Variants in PLEKHG3 observed in about 807,000 individuals in gnomAD.
PLEKHG3 encodes the protein pleckstrin homology domain-containing family G member 3.
In PLEKHG3, 62 loss-of-function variants were observed where a neutral mutation model predicts 94.9. That is an observed-to-expected ratio of 0.65 (90% confidence interval 0.53 to 0.81). The LOEUF (loss-of-function observed/expected upper bound fraction) is 0.81, where lower values mean the gene tolerates loss of function less well. Among genes scored for constraint, PLEKHG3 ranks in the 30% least tolerant of loss-of-function variants. The probability of loss-of-function intolerance (pLI) is 0.00; values close to 1 mark genes in which losing one functional copy is unlikely to be tolerated. For synonymous variants in PLEKHG3, 614 were observed against 654.0 expected, an observed-to-expected ratio of 0.94 and a Z score of 0.93; for missense variants, 1,461 against 1,619.3, an observed-to-expected ratio of 0.90 and a Z score of 1.68.
rs142526418 is a variant in PLEKHG3 at position 64,721,674 on chromosome 14, C to A, written c.-39-5919C>A. On this transcript the variant is annotated intron_variant, in intron 1 of 16. Coordinates refer to ENST00000247226, the MANE Select transcript of PLEKHG3 (RefSeq NM_001308147.2). This position sits in a 1 kb window ranked among gnomAD's most constrained non-coding sequence, Gnocchi z 4.3. ...TCACTCCCCGGGGAGCCTTCTCTCG[C>A]GCTTTATTACGGTGCTCAGGGCTGC... Among the ~76,000 whole-genome samples, 1 of 152,102 alleles carries A rather than the reference C, an allele frequency of 6.6e-6. No individual in the cohort carries two copies. Among genetic ancestry groups the A allele is most frequent in the Non-Finnish European group, 1.5e-5 (1 of 68,014 alleles).
rs1241973616 is a variant in PLEKHG3 at position 64,718,733 on chromosome 14, G to A, written c.-39-8860G>A. 2.6e-5 allele frequency among the ~76,000 whole-genome samples: 4 copies of A among 152,074 alleles called. No homozygotes were observed. In the East Asian group the frequency reaches 5.8e-4, roughly 22 times the overall value. ...GCTTTTCCTTTTTTTGATATTCCTC[G>A]TGACTTAGGAATGGGTCCGCACTAG... is the stretch of plus-strand genomic sequence containing the variant. On this transcript the variant is annotated intron_variant, in intron 1 of 16. Coordinates refer to ENST00000247226, the MANE Select transcript of PLEKHG3 (RefSeq NM_001308147.2). This position sits in a 1 kb window ranked among gnomAD's most constrained non-coding sequence, Gnocchi z 5.0.
In PLEKHG3 at chr14:64,744,770, G is replaced by GTTTTTTTTTTTTTTTTTT. The variant is rs1166322524; in HGVS notation, c.*1067_*1068insTTTTTTTTTTTTTTTTTT. On this transcript the variant is annotated 3_prime_UTR_variant, in exon 17 of 17. Transcript: ENST00000247226. ...CCCAGGAAACATCCTAGAAGACAAG[G>GTTTTTTTTTTTTTTTTTT]ATTTTTTTTTTTTTTTTTTTTGAGA... is the stretch of plus-strand genomic sequence containing the variant. The GTTTTTTTTTTTTTTTTTT allele has an allele frequency of 4.6e-5, 6 of 130,684 alleles. No individual in the cohort carries two copies. Among genetic ancestry groups the GTTTTTTTTTTTTTTTTTT allele is most frequent in the African/African-American group, 1.6e-4 (5 of 30,400 alleles). 8.1% of individuals were successfully genotyped at this position (130,684 alleles called of 1,614,324 possible).
chr14:64,742,906 G>T lies in PLEKHG3; in HGVS notation c.2939-76G>T, dbSNP rs566219038. ...ACCAGCCTTGCCTGGAAAGTGAGTTGGGGCCTGCTCAGAGCACCCCCTTGC... is the reference window on the plus strand; with the variant it reads ...ACCAGCCTTGCCTGGAAAGTGAGTTTGGGCCTGCTCAGAGCACCCCCTTGC... On this transcript the variant is annotated intron_variant, in intron 16 of 16. Coordinates refer to ENST00000247226, the MANE Select transcript of PLEKHG3 (RefSeq NM_001308147.2). 8.3e-6 allele frequency: 12 copies of T among 1,451,288 alleles called. No individual in the cohort carries two copies. In the African/African-American group the frequency reaches 1.5e-4, roughly 19 times the overall value. 89.9% of individuals were successfully genotyped at this position (1,451,288 alleles called of 1,614,324 possible). A position where few individuals can be genotyped will look rare whatever the true frequency, so the allele number is the denominator to read the frequency against.
At chr14:64,737,790 C>CG (rs919725976) in intron 14 of PLEKHG3, 1 of 807,198 alleles carries the variant, frequency 1.2e-6, no homozygotes. Flanking sequence ...GGCTCCCCCC[C>CG]CGCAGCTGCC....
chr14:64,733,840 G>T (rs1334011693), intron 12 of PLEKHG3, among the ~76,000 whole-genome samples: 1 of 152,184 alleles, frequency 6.6e-6, no homozygotes, highest in Non-Finnish European at 1.5e-5. Context: ...TGATGGGTGT[G>T]TGTGTTTTCA....
rs929269350 is a variant in PLEKHG3 at position 64,728,849 on chromosome 14, G to A, written c.352-147G>A. The A allele has an allele frequency of 2.0e-6, 1 of 511,810 alleles. No homozygotes were observed. The highest frequency in any genetic ancestry group is 3.5e-6 in the Non-Finnish European group (1 of 286,436). The allele number at this position is 511,810 out of a possible 1,614,324, so 31.7% of individuals were successfully genotyped here. ...AAAGTCACATTCTGGGGTTCCAAGT[G>A]GACATGAATTTTGGGGTGGACACTG... On this transcript the variant is annotated intron_variant, in intron 2 of 16. Transcript: ENST00000247226. The surrounding 1 kb of genome is among the most constrained non-coding windows in gnomAD (Gnocchi z 5.9).
At position 64,732,290 on chromosome 14, in the gene PLEKHG3, T is replaced by G; in HGVS notation, c.1212+109T>G. 1 of 1,234,848 alleles carries G rather than the reference T, an allele frequency of 8.1e-7. No homozygotes were observed. Among genetic ancestry groups the G allele is most frequent in the South Asian group, 1.2e-5 (1 of 82,102 alleles). The allele number at this position is 1,234,848 out of a possible 1,614,324, so 76.5% of individuals were successfully genotyped here. On this transcript the variant is annotated intron_variant, in intron 10 of 16. Coordinates refer to ENST00000247226, the MANE Select transcript of PLEKHG3 (RefSeq NM_001308147.2). This position sits in a 1 kb window ranked among gnomAD's most constrained non-coding sequence, Gnocchi z 4.9. ...TCTGGATTTGGGCTCCAGTGGACAG[T>G]GAGTGTCAGTACAGCAGATGCCCCG...
At chr14:64,742,860 A>G in intron 16 of PLEKHG3, 122 bp from the exon 17 acceptor site, 2 of 874,804 alleles carry the variant, frequency 2.3e-6, no homozygotes, top group Non-Finnish European at 3.7e-6. Flanking sequence ...GATTTCTCCC[A>G]TCACACCCAA....
chr14:64,731,807 G>T lies in PLEKHG3; in HGVS notation c.1125+1G>T. 1 of 1,607,822 alleles carries T rather than the reference G, an allele frequency of 6.2e-7. No homozygotes were observed. The highest frequency in any genetic ancestry group is 8.5e-7 in the Non-Finnish European group (1 of 1,174,592). On this transcript the variant is annotated splice_donor_variant, in intron 9 of 16. Coordinates refer to ENST00000247226, the MANE Select transcript of PLEKHG3 (RefSeq NM_001308147.2). LOFTEE classifies it high-confidence loss of function. This position sits in a 1 kb window ranked among gnomAD's most constrained non-coding sequence, Gnocchi z 6.1. ...CAGCAAGCAGCAGTACAGCATCCAGGTGAGGGGAAGGTGGGGCTCAGGGGC... is the reference window on the plus strand; with the variant it reads ...CAGCAAGCAGCAGTACAGCATCCAGTTGAGGGGAAGGTGGGGCTCAGGGGC...
chr14:64,734,093 G>A (rs922126971), intron 12 of PLEKHG3, among the ~76,000 whole-genome samples: 2 of 152,184 alleles, frequency 1.3e-5, no homozygotes, highest in African/African-American at 4.8e-5. Flanking sequence ...ACATGTGGGT[G>A]TTAGCCTTCG....
Position 64,741,045 on chromosome 14 carries a change from G to A in PLEKHG3, c.1528G>A (p.Asp510Asn), listed in dbSNP as rs771837561. 1.1e-5 allele frequency: 17 copies of A among 1,585,028 alleles called. No homozygotes were observed. The highest frequency in any genetic ancestry group is 1.5e-5 in the Non-Finnish European group (17 of 1,163,220). The change falls in exon 16 of 17, where the codon GAC (aspartate) becomes AAC (asparagine). Residue 510 changes from aspartate (D) to asparagine (N), a missense_variant. By Grantham distance (23) the Asp-to-Asn change is conservative. This residue lies in a region of PLEKHG3 where 1,201 missense variants were observed against 1,295.5 expected (regional missense o/e 0.93). Transcript: ENST00000247226. ...TTCTGCTATGTTTCAGGTTGAGCCG[G>A]ACCCTGAGGCTGGGAGTGAGCAAGA... Reference protein sequence around the residue: ...SISSLPEVEPDPEAGSEQEVF... With the variant: ...SISSLPEVEPNPEAGSEQEVF...
Position 64,717,865 on chromosome 14 carries a change from G to T in PLEKHG3, c.-39-9728G>T, listed in dbSNP as rs145872882. On this transcript the variant is annotated intron_variant, in intron 1 of 16. Transcript: ENST00000247226. The surrounding 1 kb of genome is among the most constrained non-coding windows in gnomAD (Gnocchi z 4.7). Reference sequence around the variant, plus strand: ...TTTTTAGGGCACATTCTGACACCTCGTCTCATGGAGCCCCATTTCCACGTG... The same window carrying T: ...TTTTTAGGGCACATTCTGACACCTCTTCTCATGGAGCCCCATTTCCACGTG... 3.9e-4 allele frequency among the ~76,000 whole-genome samples: 59 copies of T among 152,328 alleles called. No individual in the cohort carries two copies. The East Asian group carries it at 7.3e-3, about 19-fold the overall frequency.
At position 64,742,938 on chromosome 14, in the gene PLEKHG3, G is replaced by T. The variant is rs201378608; in HGVS notation, c.2939-44G>T. ...GCTCAGAGCACCCCCTTGCAGCTCT[G>T]CCCTCCCGCCCCATGCTTCAGGCAG... On this transcript the variant is annotated intron_variant, in intron 16 of 16. Coordinates refer to ENST00000247226, the MANE Select transcript of PLEKHG3 (RefSeq NM_001308147.2). 1.7e-5 allele frequency: 27 copies of T among 1,608,938 alleles called. No individual in the cohort carries two copies. The African/African-American group carries it at 2.8e-4, about 17-fold the overall frequency.
rs1454637886 is a variant in PLEKHG3 at position 64,737,452 on chromosome 14, C to T, written c.1404+77C>T. 5.1e-6 allele frequency: 5 copies of T among 974,568 alleles called. No homozygotes were observed. In the Admixed American group the frequency reaches 8.4e-5, roughly 16 times the overall value. The allele number at this position is 974,568 out of a possible 1,614,324, so 60.4% of individuals were successfully genotyped here. A position where few individuals can be genotyped will look rare whatever the true frequency, so the allele number is the denominator to read the frequency against. On this transcript the variant is annotated intron_variant, in intron 14 of 16. Coordinates refer to ENST00000247226, the MANE Select transcript of PLEKHG3 (RefSeq NM_001308147.2). ...CCAGGTCAGCCCCCGGCCCCTTCAG[C>T]CCTCATTGTCTTCATTCATTCAACA... is the stretch of plus-strand genomic sequence containing the variant.
Position 64,731,657 on chromosome 14 carries a change from C to T in PLEKHG3, c.1033-57C>T. 1.3e-6 allele frequency: 2 copies of T among 1,516,062 alleles called. No individual in the cohort carries two copies. The highest frequency in any genetic ancestry group is 1.4e-5 in the African/African-American group (1 of 72,970). The allele number at this position is 1,516,062 out of a possible 1,614,324, so 93.9% of individuals were successfully genotyped here. The stretch of plus-strand genomic sequence containing the variant: ...AGCACCACCCTTCTGAGATCACCCT[C>T]CCTGCTTCCCCAGGCTGTCAACCTT... On this transcript the variant is annotated intron_variant, in intron 8 of 16. Coordinates refer to ENST00000247226, the MANE Select transcript of PLEKHG3 (RefSeq NM_001308147.2). The surrounding 1 kb of genome is among the most constrained non-coding windows in gnomAD (Gnocchi z 6.1).
chr14:64,737,302 C>A, intron 13 of PLEKHG3, 54 bp from the exon 14 acceptor site: 1 of 1,441,118 alleles, frequency 6.9e-7, no homozygotes, highest in Non-Finnish European at 9.7e-7. Context: ...CTCTTCCCCT[C>A]CCCTCCCCTG....
intron 1 of PLEKHG3, among the ~76,000 whole-genome samples, chr14:64,711,663 T>C (rs971042801): frequency 5.3e-5 from 8 of 152,184 alleles, no homozygotes; most frequent in Admixed American, 3.9e-4. Flanking sequence ...GCGCCTGCCT[T>C]GGCCTCCCAA....
rs528617237 is a variant in PLEKHG3 at position 64,732,502 on chromosome 14, A to G, written c.1246+42A>G. The stretch of plus-strand genomic sequence containing the variant: ...CTGCCTGTTTTGTCCCTAATCGTGC[A>G]CATTGCTAGGTCAGGCTGCATCCTG... On this transcript the variant is annotated intron_variant, in intron 11 of 16. Coordinates refer to ENST00000247226, the MANE Select transcript of PLEKHG3 (RefSeq NM_001308147.2). The surrounding 1 kb of genome is among the most constrained non-coding windows in gnomAD (Gnocchi z 4.9). 2 of 1,569,998 alleles carry G rather than the reference A, an allele frequency of 1.3e-6. No homozygotes were observed. The highest frequency in any genetic ancestry group is 1.7e-5 in the Admixed American group (1 of 59,964).
intron 12 of PLEKHG3, among the ~76,000 whole-genome samples, chr14:64,733,471 C>T (rs1276604325): frequency 2.0e-5 from 3 of 152,120 alleles, no homozygotes; most frequent in African/African-American, 4.8e-5. Flanking sequence ...CCCGTCCAGC[C>T]CACCTTTTTC....
Sources: gnomAD v4.1 joint callset for allele counts (sites outside exome capture counted in the v4.1 genomes callset) on GRCh38, gnomAD v4.1.1 for gene constraint, gnomAD v4.1.1 regional missense constraint, Gnocchi (gnomAD v3.1) non-coding constraint, MANE v1.5 for transcripts, NCBI Gene and HGNC (gene_info 2026-07-23, HGNC 2026-07-21) for gene names.